PRR16: variants seen among roughly 807,000 people sequenced by gnomAD.
PRR16 encodes the protein proline rich 16.
PRR16 carries 6 observed loss-of-function variants against 18.2 expected under a neutral mutation model. The observed-to-expected ratio is 0.33, with a 90% confidence interval of 0.18 to 0.65. The LOEUF is 0.65. Among genes scored for constraint, PRR16 ranks in the 30% least tolerant of loss-of-function variants. The pLI is 0.74. For synonymous variants in PRR16, 151 were observed against 147.8 expected, an observed-to-expected ratio of 1.02 and a Z score of -0.16; for missense variants, 412 against 376.6, an observed-to-expected ratio of 1.09 and a Z score of -0.78.
chr5:120,722,886 TATATATA>T, the PRR16 span, among the ~76,000 whole-genome samples: 2 of 151,622 alleles, frequency 1.3e-5, no homozygotes, highest in East Asian at 1.9e-4. Context: ...CAGACAGACA[TATATATA>T]ATATATATAT....
chr5:120,647,171 C>T lies in PRR16; in HGVS notation c.160-38783C>T, dbSNP rs183688290. Among the ~76,000 whole-genome samples, 423 of 151,678 alleles carry T rather than the reference C, an allele frequency of 2.8e-3. 6 individuals are homozygous for T. Among genetic ancestry groups the T allele is most frequent in the Admixed American group, 0.026 (390 of 15,216 alleles). Reference sequence around the variant, plus strand: ...GGAAAGAGTTAGAATAACGTTATGGCGGGAGAAGTATAGAATGGGAATTAA... The same window carrying T: ...GGAAAGAGTTAGAATAACGTTATGGTGGGAGAAGTATAGAATGGGAATTAA... On this transcript the variant is annotated intron_variant, in intron 1 of 1. Coordinates refer to ENST00000407149, the MANE Select transcript of PRR16 (RefSeq NM_001300783.2).
chr5:120,699,850 T>C, the PRR16 span, among the ~76,000 whole-genome samples: 12 of 152,256 alleles, frequency 7.9e-5, no homozygotes, highest in Middle Eastern at 3.4e-3. Flanking sequence ...CAGACAAGAT[T>C]GGCAGGGAGA....
chr5:120,525,291 T>C (rs1244219599), intron 1 of PRR16, among the ~76,000 whole-genome samples: 1 of 152,114 alleles, frequency 6.6e-6, no homozygotes, highest in Non-Finnish European at 1.5e-5. Flanking sequence ...ATGACTAGGC[T>C]ACATTACATG....
chr5:120,505,224 T>C (rs1233147140), intron 1 of PRR16, among the ~76,000 whole-genome samples: 1 of 152,196 alleles, frequency 6.6e-6, no homozygotes, highest in Non-Finnish European at 1.5e-5. Flanking sequence ...AATATTTGAA[T>C]TGAAAACTCT....
chr5:120,595,627 C>G (rs1157237480), intron 1 of PRR16, among the ~76,000 whole-genome samples: 1 of 151,830 alleles, frequency 6.6e-6, no homozygotes, highest in Non-Finnish European at 1.5e-5. Flanking sequence ...CACCACACTC[C>G]ATGACACAAC....
intron 1 of PRR16, among the ~76,000 whole-genome samples, chr5:120,560,121 C>A (rs1387268759): frequency 2.0e-5 from 3 of 151,734 alleles, no homozygotes; most frequent in Admixed American, 2.0e-4. Context: ...TTTGGATGCC[C>A]TTTATTTCTT....
the PRR16 span, among the ~76,000 whole-genome samples, chr5:120,772,829 C>G: frequency 2.0e-5 from 3 of 152,112 alleles, no homozygotes; most frequent in African/African-American, 7.2e-5. Context: ...AACCCTGAGG[C>G]TGTTCAGTCC....
At chr5:120,470,666 G>A (rs1007183929) in intron 1 of PRR16, among the ~76,000 whole-genome samples, 3 of 151,984 alleles carry the variant, frequency 2.0e-5, no homozygotes, top group Admixed American at 1.3e-4. Flanking sequence ...ATCTAACAGA[G>A]GTCTTACTCT....
chr5:120,676,888 A>G lies in PRR16; in HGVS notation c.160-9066A>G, dbSNP rs1266916991. ...TGGACATTGGACATTTTCAGAAGTC[A>G]AAAGAGGCCCGAGTCACTCCTAATT... is the stretch of plus-strand genomic sequence containing the variant. On this transcript the variant is annotated intron_variant, in intron 1 of 1. Coordinates refer to ENST00000407149, the MANE Select transcript of PRR16 (RefSeq NM_001300783.2). 3.3e-5 allele frequency among the ~76,000 whole-genome samples: 5 copies of G among 152,310 alleles called. No homozygotes were observed. The East Asian group carries it at 9.6e-4, about 29-fold the overall frequency.
intron 1 of PRR16, among the ~76,000 whole-genome samples, chr5:120,488,882 T>C (rs1312822232): frequency 6.6e-6 from 1 of 152,192 alleles, no homozygotes; most frequent in African/African-American, 2.4e-5. Context: ...AAGAACATCT[T>C]TATTTCTGCC....
chr5:120,580,168 A>G (rs911648020), intron 1 of PRR16, among the ~76,000 whole-genome samples: 2 of 152,190 alleles, frequency 1.3e-5, no homozygotes, highest in Non-Finnish European at 2.9e-5. Context: ...AAATCATGTC[A>G]TCTGCAAACA....
chr5:120,534,687 A>G (rs1017048979), intron 1 of PRR16, among the ~76,000 whole-genome samples: 5 of 152,128 alleles, frequency 3.3e-5, no homozygotes, highest in African/African-American at 1.2e-4. Context: ...TGTTTTCAGC[A>G]TATTTCTAAA....
chr5:120,470,901 G>A (rs538134414), intron 1 of PRR16, among the ~76,000 whole-genome samples: 1 of 152,048 alleles, frequency 6.6e-6, no homozygotes, highest in East Asian at 1.9e-4. Flanking sequence ...GCTCTTTCAC[G>A]TTTCCTATTT....
chr5:120,602,803 C>T (rs990000051), intron 1 of PRR16, among the ~76,000 whole-genome samples: 1 of 151,928 alleles, frequency 6.6e-6, no homozygotes, highest in Non-Finnish European at 1.5e-5. Context: ...AATGCCATAT[C>T]TGAGTCTATT....
chr5:120,770,620 CAG>C, the PRR16 span, among the ~76,000 whole-genome samples: 4 of 151,850 alleles, frequency 2.6e-5, no homozygotes, highest in African/African-American at 9.7e-5. Context: ...GAATAATCAA[CAG>C]AATAAAAAGA....
intron 1 of PRR16, among the ~76,000 whole-genome samples, chr5:120,625,616 G>A (rs1341709080): frequency 1.3e-5 from 2 of 152,104 alleles, no homozygotes; most frequent in Admixed American, 1.3e-4. Flanking sequence ...GGGATTACAG[G>A]TAAAAGCCAC....
intron 1 of PRR16, among the ~76,000 whole-genome samples, chr5:120,622,968 A>C (rs1026784824): frequency 2.6e-5 from 4 of 152,170 alleles, no homozygotes; most frequent in Non-Finnish European, 4.4e-5. Context: ...TCTACTTATA[A>C]ACACAACACA....
At chr5:120,566,169 G>A (rs1203911486) in intron 1 of PRR16, among the ~76,000 whole-genome samples, 1 of 152,122 alleles carries the variant, frequency 6.6e-6, no homozygotes, top group Non-Finnish European at 1.5e-5. Context: ...AAGGAGCCCA[G>A]CCCCATTTTT....
chr5:120,633,879 A>C (rs1755141915), intron 1 of PRR16, among the ~76,000 whole-genome samples: 1 of 152,052 alleles, frequency 6.6e-6, no homozygotes, highest in African/African-American at 2.4e-5. Flanking sequence ...AGCACTAGAT[A>C]GGTCATCAAG....
Sources: gnomAD v4.1 joint callset for allele counts (sites outside exome capture counted in the v4.1 genomes callset) on GRCh38, gnomAD v4.1.1 for gene constraint, MANE v1.5 for transcripts, NCBI Gene and HGNC (gene_info 2026-07-23, HGNC 2026-07-21) for gene names.